Variants in CLIC4 observed in about 807,000 individuals in gnomAD.
The protein encoded by CLIC4 is chloride intracellular channel protein 4.
CLIC4 carries 13 observed loss-of-function variants against 24.6 expected under a neutral mutation model. The ratio of observed to expected loss-of-function variants is 0.53; its 90% CI spans 0.34 to 0.84. The LOEUF is 0.84. Among genes scored for constraint, CLIC4 ranks in the 40% least tolerant of loss-of-function variants. The pLI is 0.01. For synonymous variants in CLIC4, 104 were observed against 111.3 expected (o/e 0.93, Z 0.41); for missense variants, 227 against 301.7 (o/e 0.75, Z 1.83).
At chr1:24,796,530 T>G (rs1639404942) in intron 1 of CLIC4, among the ~76,000 whole-genome samples, 1 of 152,218 alleles carries the variant, frequency 6.6e-6, no homozygotes, top group South Asian at 2.1e-4. Context: ...TTTAGATATG[T>G]CTTGATGTAC....
chr1:24,770,424 G>A (rs374263708), intron 1 of CLIC4, among the ~76,000 whole-genome samples: 3 of 152,106 alleles, frequency 2.0e-5, no homozygotes, highest in African/African-American at 4.8e-5. Context: ...CAGGAGTGAA[G>A]TCACATCTAT....
intron 1 of CLIC4, among the ~76,000 whole-genome samples, chr1:24,768,770 A>G (rs753526977): frequency 4.6e-5 from 7 of 152,004 alleles, no homozygotes; most frequent in Non-Finnish European, 8.8e-5. Flanking sequence ...GCATGGTGGC[A>G]TGTGCCTGTA....
At chr1:24,807,061 G>C (rs1639557902) in intron 2 of CLIC4, among the ~76,000 whole-genome samples, 1 of 152,002 alleles carries the variant, frequency 6.6e-6, no homozygotes, top group South Asian at 2.1e-4. Context: ...ACTTGCAGCT[G>C]AGGATCATTT....
chr1:24,778,885 T>C (rs956857128), intron 1 of CLIC4, among the ~76,000 whole-genome samples: 14 of 152,236 alleles, frequency 9.2e-5, no homozygotes, highest in African/African-American at 3.4e-4. Flanking sequence ...AGCCTTTCTT[T>C]ACATCTTCAG....
intron 1 of CLIC4, among the ~76,000 whole-genome samples, chr1:24,757,665 A>T (rs1167133574): frequency 6.6e-6 from 1 of 152,222 alleles, no homozygotes; most frequent in Admixed American, 6.5e-5. Context: ...TAATTAGGAA[A>T]AAAAAGAAGG....
At chr1:24,786,641 G>A (rs752888956) in intron 1 of CLIC4, among the ~76,000 whole-genome samples, 4 of 151,664 alleles carry the variant, frequency 2.6e-5, no homozygotes, top group East Asian at 1.9e-4. Flanking sequence ...TTTTTCAGAC[G>A]GAGTCTTGCT....
rs146532129 is a variant in CLIC4 at position 24,745,632 on chromosome 1, G to C, written c.72+7G>C. On this transcript the variant is annotated splice_region_variant and intron_variant, in intron 1 of 5. Coordinates refer to ENST00000374379, the MANE Select transcript of CLIC4 (RefSeq NM_013943.3). ...CATCGAGCTCTTCGTCAAGGTGAGCGCTCGCCTCGCGGTCCCGCCCGGCAG... is the reference window on the plus strand; with the variant it reads ...CATCGAGCTCTTCGTCAAGGTGAGCCCTCGCCTCGCGGTCCCGCCCGGCAG... The C allele has an allele frequency of 0.025, 38,538 of 1,548,664 alleles. 593 individuals are homozygous for C. Among genetic ancestry groups the C allele is most frequent in the Non-Finnish European group, 0.029 (33,505 of 1,150,098 alleles).
At chr1:24,831,602 A>G (rs1009807297) in intron 4 of CLIC4, among the ~76,000 whole-genome samples, 1 of 152,070 alleles carries the variant, frequency 6.6e-6, no homozygotes, top group Non-Finnish European at 1.5e-5. Flanking sequence ...TTGTACTCTA[A>G]TATGTTCTTG....
At chr1:24,823,741 T>G (rs1219727373) in intron 3 of CLIC4, among the ~76,000 whole-genome samples, 2 of 141,052 alleles carry the variant, frequency 1.4e-5, no homozygotes, top group African/African-American at 5.3e-5. Flanking sequence ...GCCACTGTAC[T>G]CTAGCCTGGA....
chr1:24,789,418 T>G (rs1639308173), intron 1 of CLIC4, among the ~76,000 whole-genome samples: 1 of 152,136 alleles, frequency 6.6e-6, no homozygotes, highest in Admixed American at 6.6e-5. Flanking sequence ...TTCGGGAGGT[T>G]GAGACAGGAG....
intron 1 of CLIC4, among the ~76,000 whole-genome samples, chr1:24,757,203 G>A (rs898993237): frequency 8.6e-5 from 13 of 151,890 alleles, no homozygotes; most frequent in African/African-American, 3.1e-4. Context: ...CCTAGTTTTT[G>A]TCTTTTTAGT....
At chr1:24,783,497 T>C (rs1015309661) in intron 1 of CLIC4, among the ~76,000 whole-genome samples, 1 of 152,016 alleles carries the variant, frequency 6.6e-6, no homozygotes, top group Non-Finnish European at 1.5e-5. Flanking sequence ...AGGTCAGGAT[T>C]TCGAGACCAG....
At chr1:24,795,199 T>C (rs541678250) in intron 1 of CLIC4, among the ~76,000 whole-genome samples, 5 of 152,208 alleles carry the variant, frequency 3.3e-5, no homozygotes, top group African/African-American at 7.2e-5. Context: ...TTAAAAACAA[T>C]AGCAACAACC....
intron 2 of CLIC4, among the ~76,000 whole-genome samples, chr1:24,804,849 C>A (rs374964035): frequency 6.7e-4 from 102 of 151,696 alleles, no homozygotes; most frequent in African/African-American, 2.4e-3. Context: ...TCTTGTAATC[C>A]CAGCGCTTTG....
rs760795928 is a variant in CLIC4, at chr1:24,797,843, C to T, written c.174C>T (p.Asp58=). The T allele has an allele frequency of 4.2e-5, 68 of 1,608,462 alleles. No homozygotes were observed. The highest frequency in any genetic ancestry group is 5.7e-5 in the Non-Finnish European group (67 of 1,176,622). The change falls in exon 2 of 6, where the codon GAC becomes GAT. Residue 58 remains aspartate, a synonymous_variant. Coordinates refer to ENST00000374379, the MANE Select transcript of CLIC4 (RefSeq NM_013943.3). ...TTGTATTTAGTGTGACGACTGTTGA[C>T]CTGAAAAGGTAAGACATGGTCGCAG... The part of the protein sequence containing the change: ...KGVVFSVTTV[D]LKRKPADLQN...
chr1:24,791,871 C>T (rs1358052953), intron 1 of CLIC4, among the ~76,000 whole-genome samples: 2 of 147,030 alleles, frequency 1.4e-5, no homozygotes, highest in African/African-American at 5.1e-5. Flanking sequence ...AGTGAAACTC[C>T]ATCTCAAAAA....
At chr1:24,766,814 T>C (rs1639005310) in intron 1 of CLIC4, among the ~76,000 whole-genome samples, 2 of 151,376 alleles carry the variant, frequency 1.3e-5, no homozygotes, top group African/African-American at 2.4e-5. Context: ...CCAGTATTTC[T>C]GTCTAGGTGC....
At chr1:24,800,333 G>T (rs1639470534) in intron 2 of CLIC4, among the ~76,000 whole-genome samples, 1 of 122,836 alleles carries the variant, frequency 8.1e-6, no homozygotes, top group Non-Finnish European at 1.8e-5. Context: ...CGCCCCGTCC[G>T]GGAGGGAGGT....
At chr1:24,787,940 C>T (rs1452183181) in intron 1 of CLIC4, among the ~76,000 whole-genome samples, 2 of 151,702 alleles carry the variant, frequency 1.3e-5, no homozygotes, top group African/African-American at 4.9e-5. Flanking sequence ...ACTGCAACCT[C>T]CGCCTCCCAA....
Sources: allele counts gnomAD v4.1 joint callset (sites outside exome capture counted in the v4.1 genomes callset), GRCh38; gene constraint gnomAD v4.1.1; transcripts MANE v1.5; gene names NCBI Gene and HGNC (gene_info 2026-07-23, HGNC 2026-07-21).